Variants in ZBTB46 observed in about 807,000 individuals in gnomAD.
ZBTB46 encodes zinc finger and BTB domain containing 46.
Under a neutral mutation model 44.1 loss-of-function variants are expected in ZBTB46, and 8 were observed. The ratio of observed to expected loss-of-function variants is 0.18; its 90% CI spans 0.11 to 0.33. The LOEUF is 0.33. Among genes scored for constraint, ZBTB46 ranks in the 10% least tolerant of loss-of-function variants. The probability of loss-of-function intolerance (pLI) is 1.00; values close to 1 mark genes in which losing one functional copy is unlikely to be tolerated. For synonymous variants in ZBTB46, 409 were observed against 382.3 expected (o/e 1.07, Z -0.81); for missense variants, 651 against 847.7 (o/e 0.77, Z 2.88).
At chr20:63,811,035 T>C (rs978896130) in intron 1 of ZBTB46, among the ~76,000 whole-genome samples, 1 of 152,166 alleles carries the variant, frequency 6.6e-6, no homozygotes, top group Non-Finnish European at 1.5e-5. Flanking sequence ...CGTGTTCCAC[T>C]CTCTTTGACT....
At chr20:63,771,208 G>A (rs2092368505) in intron 3 of ZBTB46, among the ~76,000 whole-genome samples, 1 of 152,196 alleles carries the variant, frequency 6.6e-6, no homozygotes, top group Admixed American at 6.5e-5. Context: ...TTCCGACAGG[G>A]AGCGGAGGAG....
chr20:63,801,368 G>A (rs771668851), intron 1 of ZBTB46, among the ~76,000 whole-genome samples: 2 of 152,026 alleles, frequency 1.3e-5, no homozygotes, highest in Non-Finnish European at 2.9e-5. Flanking sequence ...GATTGTCAAC[G>A]CACCAATCAG....
At chr20:63,778,438 G>A (rs1306571368) in intron 2 of ZBTB46, among the ~76,000 whole-genome samples, 1 of 152,206 alleles carries the variant, frequency 6.6e-6, no homozygotes, top group African/African-American at 2.4e-5. Context: ...ACAGGAATCG[G>A]GATCAGAACC....
intron 2 of ZBTB46, among the ~76,000 whole-genome samples, chr20:63,785,224 C>CAAAAAAAAAAAAAAA: frequency 1.0e-5 from 1 of 96,932 alleles, no homozygotes; most frequent in Non-Finnish European, 1.9e-5. Context: ...GAGCGAGACT[C>CAAAAAAAAAAAAAAA]AAAAAAAAAA....
intron 2 of ZBTB46, among the ~76,000 whole-genome samples, chr20:63,782,100 AG>A (rs532490049): frequency 0.011 from 1,647 of 149,750 alleles, 41 homozygotes; most frequent in South Asian, 0.077. Flanking sequence ...AAAAAAAAAA[AG>A]AAAAGAGGCG....
At chr20:63,775,418 A>C in intron 3 of ZBTB46, 2 of 410,912 alleles carry the variant, frequency 4.9e-6, no homozygotes, top group East Asian at 7.5e-5. Flanking sequence ...GAAACATTCC[A>C]GCAAGCACTC....
At chr20:63,764,966 T>C (rs1034447815) in intron 3 of ZBTB46, among the ~76,000 whole-genome samples, 1 of 152,114 alleles carries the variant, frequency 6.6e-6, no homozygotes, top group African/African-American at 2.4e-5. Context: ...TCACCCAGGC[T>C]GGAGTGCAAT....
chr20:63,794,174 A>C (rs934122134), intron 1 of ZBTB46, among the ~76,000 whole-genome samples: 4 of 149,164 alleles, frequency 2.7e-5, no homozygotes, highest in Non-Finnish European at 4.5e-5. Flanking sequence ...TGGGTGACAG[A>C]GCAAGACTCC....
intron 1 of ZBTB46, among the ~76,000 whole-genome samples, chr20:63,811,377 C>T (rs939966164): frequency 5.3e-5 from 8 of 152,254 alleles, no homozygotes; most frequent in African/African-American, 1.7e-4. Flanking sequence ...CCCACCCCAC[C>T]TCTCATACAG....
intron 3 of ZBTB46, chr20:63,769,313 T>C: frequency 1.0e-6 from 1 of 985,446 alleles, no homozygotes; most frequent in Non-Finnish European, 1.2e-6. Context: ...GAGCTCATCC[T>C]GTGGCTCTGA....
In ZBTB46 at chr20:63,775,665, G is replaced by T; in HGVS notation, c.1222+13C>A. 6.5e-7 allele frequency: 1 copy of T among 1,549,406 alleles called. No homozygotes were observed. The highest frequency in any genetic ancestry group is 8.7e-7 in the Non-Finnish European group (1 of 1,147,724). On this transcript the variant is annotated intron_variant, in intron 3 of 4. Coordinates refer to ENST00000245663, the MANE Select transcript of ZBTB46 (RefSeq NM_001369741.1). ...CACACCAAAGCCAAGCGGCCCCCAG[G>T]GCCTGCACTTACGGGACAGCGAGTG...
intron 1 of ZBTB46, among the ~76,000 whole-genome samples, chr20:63,807,414 G>C (rs376014516): frequency 6.6e-6 from 1 of 152,144 alleles, no homozygotes; most frequent in African/African-American, 2.4e-5. Flanking sequence ...GCGCCATCTT[G>C]GCTCACTGCA....
intron 4 of ZBTB46, among the ~76,000 whole-genome samples, chr20:63,751,261 T>C (rs1272388195): frequency 1.3e-5 from 2 of 152,168 alleles, no homozygotes; most frequent in South Asian, 2.1e-4. Flanking sequence ...GGTCTGCTTC[T>C]GGCCTTGCAG....
At chr20:63,785,035 C>T (rs541741745) in intron 2 of ZBTB46, among the ~76,000 whole-genome samples, 15 of 149,676 alleles carry the variant, frequency 1.0e-4, no homozygotes, top group Admixed American at 6.7e-4. Context: ...AGATCGAGAC[C>T]GTCCTGGCCA....
chr20:63,756,192 C>T (rs1440194310), intron 3 of ZBTB46, among the ~76,000 whole-genome samples: 3 of 152,308 alleles, frequency 2.0e-5, no homozygotes, highest in Middle Eastern at 3.4e-3. Flanking sequence ...GTGCGCTTTC[C>T]GCTCCAGGAG....
At chr20:63,813,558 G>A (rs1376759748) in intron 1 of ZBTB46, among the ~76,000 whole-genome samples, 3 of 152,170 alleles carry the variant, frequency 2.0e-5, no homozygotes, top group South Asian at 2.1e-4. Flanking sequence ...CTGCGCGGGC[G>A]AGTCCCAGCC....
At chr20:63,778,664 G>C (rs1381467617) in intron 2 of ZBTB46, among the ~76,000 whole-genome samples, 1 of 152,182 alleles carries the variant, frequency 6.6e-6, no homozygotes, top group Non-Finnish European at 1.5e-5. Context: ...GGACCGTCGA[G>C]CTACCTATGA....
intron 1 of ZBTB46, among the ~76,000 whole-genome samples, chr20:63,819,960 G>A (rs946539093): frequency 1.3e-5 from 2 of 152,328 alleles, no homozygotes; most frequent in Admixed American, 6.5e-5. Flanking sequence ...TACTATAGAT[G>A]TATTTCCATA....
At chr20:63,776,232 C>T (rs1251547312) in intron 2 of ZBTB46, among the ~76,000 whole-genome samples, 1 of 152,234 alleles carries the variant, frequency 6.6e-6, no homozygotes, top group Non-Finnish European at 1.5e-5. Flanking sequence ...AACGGGGTTG[C>T]CCTCCCTGGA....
Sources: gnomAD v4.1 joint callset for allele counts (sites outside exome capture counted in the v4.1 genomes callset) on GRCh38, gnomAD v4.1.1 for gene constraint, MANE v1.5 for transcripts, NCBI Gene and HGNC (gene_info 2026-07-23, HGNC 2026-07-21) for gene names.